The following AUTS2 variants were observed in gnomAD, a reference collection of about 807,000 sequenced individuals.
AUTS2 encodes the protein activator of transcription and developmental regulator AUTS2, also known as autism susceptibility gene 2 protein.
A neutral mutation model predicts 112.4 loss-of-function variants in AUTS2; 17 were observed. The ratio of observed to expected loss-of-function variants is 0.15; its 90% CI spans 0.10 to 0.23. AUTS2 has a LOEUF of 0.23. AUTS2 is among the 10% of genes least tolerant of loss of function. AUTS2 has a pLI of 1.00. For missense variants in AUTS2, 1,510 were observed against 1,701.6 expected (o/e 0.89, Z 1.98); for synonymous variants, 751 against 702.7 (o/e 1.07, Z -1.09).
At chr7:70,236,429 T>TG (rs887007659) in intron 4 of AUTS2, among the ~76,000 whole-genome samples, 2 of 152,188 alleles carry the variant, frequency 1.3e-5, no homozygotes, top group Admixed American at 6.5e-5. Context: ...ATGAACATTT[T>TG]GGGGGGAACT....
chr7:70,706,571 G>A (rs1044614934), intron 6 of AUTS2, among the ~76,000 whole-genome samples: 2 of 152,246 alleles, frequency 1.3e-5, no homozygotes, highest in African/African-American at 4.8e-5. Flanking sequence ...ATGCAAATGG[G>A]ATGGAGGGTG....
At chr7:70,480,614 C>T (rs1043104133) in intron 5 of AUTS2, among the ~76,000 whole-genome samples, 1 of 152,126 alleles carries the variant, frequency 6.6e-6, no homozygotes, top group Admixed American at 6.5e-5. Context: ...CCCAAGAGCA[C>T]TTGATCAGTC....
chr7:69,856,334 G>C (rs984230481), intron 1 of AUTS2, among the ~76,000 whole-genome samples: 4 of 152,104 alleles, frequency 2.6e-5, no homozygotes, highest in African/African-American at 9.7e-5. Flanking sequence ...GGCAGGCCTG[G>C]TGCCTAGAAG....
chr7:70,231,040 G>C (rs1025383885), intron 4 of AUTS2, among the ~76,000 whole-genome samples: 1 of 152,160 alleles, frequency 6.6e-6, no homozygotes, highest in Non-Finnish European at 1.5e-5. Flanking sequence ...AATGAGGTTC[G>C]GTGAGTTTTC....
chr7:69,848,222 G>C (rs550025939), intron 1 of AUTS2, among the ~76,000 whole-genome samples: 1 of 152,268 alleles, frequency 6.6e-6, no homozygotes, highest in East Asian at 1.9e-4. Flanking sequence ...CTAACAGAAG[G>C]AAAGACGATT....
intron 1 of AUTS2, among the ~76,000 whole-genome samples, chr7:69,680,017 C>T (rs1023563764): frequency 3.3e-5 from 5 of 152,114 alleles, no homozygotes; most frequent in African/African-American, 1.2e-4. Flanking sequence ...ATATACTTGT[C>T]TCTACATAGA....
intron 5 of AUTS2, among the ~76,000 whole-genome samples, chr7:70,461,241 A>T (rs902929365): frequency 3.3e-5 from 5 of 152,192 alleles, no homozygotes; most frequent in Admixed American, 2.0e-4. Context: ...CATCATGGCT[A>T]TCACAGCTCA....
chr7:69,915,270 A>G (rs1795530454), intron 2 of AUTS2, among the ~76,000 whole-genome samples: 1 of 152,206 alleles, frequency 6.6e-6, no homozygotes, highest in Non-Finnish European at 1.5e-5. Flanking sequence ...CTGTCCTTTT[A>G]AGAAACTTTT....
At chr7:70,699,843 TTG>T (rs1206215443) in intron 6 of AUTS2, among the ~76,000 whole-genome samples, 6 of 152,156 alleles carry the variant, frequency 3.9e-5, no homozygotes, top group Admixed American at 3.9e-4. Flanking sequence ...AAATGCACAA[TTG>T]TCTACCACTT....
rs78622430 is a variant in AUTS2, at chr7:70,448,750, C to T, written c.690+12969C>T. 6.3e-3 allele frequency among the ~76,000 whole-genome samples: 961 copies of T among 152,282 alleles called. 14 individuals are homozygous for T. The highest frequency in any genetic ancestry group is 0.022 in the African/African-American group (918 of 41,564). On this transcript the variant is annotated intron_variant, in intron 5 of 18. Transcript: ENST00000342771. ...GCACCCTCACCCCTTTACTGGACGT[C>T]CAATGCTGTGCAAGGAGGCCTACTT... is the stretch of plus-strand genomic sequence containing the variant.
At chr7:69,903,549 G>A (rs1795047603) in intron 2 of AUTS2, among the ~76,000 whole-genome samples, 2 of 152,172 alleles carry the variant, frequency 1.3e-5, no homozygotes, top group Non-Finnish European at 2.9e-5. Context: ...TATCAACTGA[G>A]CCAGAGGAAA....
chr7:70,467,900 C>A (rs1003509368), intron 5 of AUTS2, among the ~76,000 whole-genome samples: 3 of 152,166 alleles, frequency 2.0e-5, no homozygotes, highest in African/African-American at 7.2e-5. Context: ...TAATTCTGTC[C>A]TGCTCCTTTC....
At chr7:69,662,981 T>A (rs1226144499) in intron 1 of AUTS2, among the ~76,000 whole-genome samples, 1 of 152,206 alleles carries the variant, frequency 6.6e-6, no homozygotes, top group Non-Finnish European at 1.5e-5. Flanking sequence ...AAATAGTTGC[T>A]TTTTACAAGT....
Position 70,766,004 on chromosome 7 carries a change from C to A in AUTS2, c.1469-110C>A. On this transcript the variant is annotated intron_variant, in intron 8 of 18. Coordinates refer to ENST00000342771, the MANE Select transcript of AUTS2 (RefSeq NM_015570.4). This position sits in a 1 kb window ranked among gnomAD's most constrained non-coding sequence, Gnocchi z 4.8. The stretch of plus-strand genomic sequence containing the variant: ...GTTTATCTCAGGGCCCAGCCACACC[C>A]TGTCACCCCTGCCACTGTGTCACCA... The A allele has an allele frequency of 1.3e-6, 2 of 1,498,418 alleles. No homozygotes were observed. Among genetic ancestry groups the A allele is most frequent in the Admixed American group, 2.1e-5 (1 of 46,980 alleles). 92.8% of individuals were successfully genotyped at this position (1,498,418 alleles called of 1,614,324 possible). A position where few individuals can be genotyped will look rare whatever the true frequency, so the allele number is the denominator to read the frequency against.
chr7:70,635,818 C>A (rs1444261713), intron 5 of AUTS2, among the ~76,000 whole-genome samples: 1 of 152,176 alleles, frequency 6.6e-6, no homozygotes, highest in Non-Finnish European at 1.5e-5. Context: ...CCAAGATGGA[C>A]CCTAGGAGAG....
At chr7:69,783,943 C>A (rs983183965) in intron 1 of AUTS2, among the ~76,000 whole-genome samples, 2 of 152,142 alleles carry the variant, frequency 1.3e-5, no homozygotes, top group Admixed American at 6.5e-5. Flanking sequence ...GCTTCAAATT[C>A]TCTGCCTGGA....
intron 4 of AUTS2, among the ~76,000 whole-genome samples, chr7:70,380,456 C>T (rs538177732): frequency 1.3e-5 from 2 of 152,308 alleles, no homozygotes; most frequent in African/African-American, 4.8e-5. Context: ...TGACAGTAAC[C>T]GCAAAAGCAG....
At chr7:70,116,571 T>C (rs994744877) in intron 2 of AUTS2, among the ~76,000 whole-genome samples, 1 of 152,212 alleles carries the variant, frequency 6.6e-6, no homozygotes, top group Non-Finnish European at 1.5e-5. Flanking sequence ...TTTGAGATTT[T>C]CCACGTTTTC....
At chr7:69,811,638 C>T (rs947783983) in intron 1 of AUTS2, among the ~76,000 whole-genome samples, 1 of 152,076 alleles carries the variant, frequency 6.6e-6, no homozygotes, top group African/African-American at 2.4e-5. Flanking sequence ...TTTGCTGTAC[C>T]TGCAATAAGT....
Sources: allele counts gnomAD v4.1 joint callset (sites outside exome capture counted in the v4.1 genomes callset), GRCh38; gene constraint gnomAD v4.1.1; non-coding constraint Gnocchi (gnomAD v3.1); transcripts MANE v1.5; gene names NCBI Gene and HGNC (gene_info 2026-07-23, HGNC 2026-07-21).